The following GSTA1 variants were observed in gnomAD, a reference collection of about 807,000 sequenced individuals.
The protein encoded by GSTA1 is glutathione S-transferase alpha 1.
GSTA1 carries 23 observed loss-of-function variants against 21.5 expected under a neutral mutation model. The ratio of observed to expected loss-of-function variants is 1.07; its 90% CI spans 0.77 to 1.52. The LOEUF (loss-of-function observed/expected upper bound fraction) is 1.52, where lower values mean the gene tolerates loss of function less well. Ranked by LOEUF, GSTA1 falls within the 40% of genes most tolerant of loss-of-function variation. The pLI is 0.00. For synonymous variants in GSTA1, 125 were observed against 90.0 expected, an observed-to-expected ratio of 1.39 and a Z score of -2.20; for missense variants, 301 against 264.2, an observed-to-expected ratio of 1.14 and a Z score of -0.96.
intron 4 of GSTA1, among the ~76,000 whole-genome samples, chr6:52,794,629 A>C (rs941633302): frequency 3.9e-5 from 6 of 152,208 alleles, no homozygotes; most frequent in Non-Finnish European, 7.3e-5. Flanking sequence ...TGTGAGTCAA[A>C]TGGCCAAAGA....
intron 1 of GSTA1, among the ~76,000 whole-genome samples, chr6:52,803,149 C>T (rs1257457221): frequency 1.3e-5 from 2 of 152,182 alleles, no homozygotes; most frequent in South Asian, 4.2e-4. Flanking sequence ...TAGAAACATC[C>T]TAGAGTGAGC....
At chr6:52,797,883 A>G (rs1763626904) in intron 2 of GSTA1, among the ~76,000 whole-genome samples, 3 of 152,210 alleles carry the variant, frequency 2.0e-5, no homozygotes, top group Non-Finnish European at 2.9e-5. Context: ...ATGAATGTCT[A>G]TGATTAGGTC....
At chr6:52,799,363 T>C (rs1228885652) in intron 1 of GSTA1, 66 bp from the exon 2 acceptor site, 2 of 1,110,212 alleles carry the variant, frequency 1.8e-6, no homozygotes, top group East Asian at 2.5e-5. Context: ...TTAGGATATG[T>C]AGTTGAAAAC....
rs1412132944 is a variant in GSTA1 at position 52,791,911 on chromosome 6, G to T, written c.616C>A (p.Pro206Thr). 1 of 1,613,920 alleles carries T rather than the reference G, an allele frequency of 6.2e-7. No homozygotes were observed. Among genetic ancestry groups the T allele is most frequent in the South Asian group, 1.1e-5 (1 of 91,070 alleles). Residue 206 changes from proline (P) to threonine (T), a missense_variant, in exon 7 of 7, where the codon CCT (proline) becomes ACT (threonine). By Grantham distance (38) the Pro-to-Thr change is conservative. Transcript: ENST00000334575. ...TCTAAAGATTTCTCATCCATGGGAG[G>T]CTTCCTTGGGCTGCCAGGCTGTAGA... is the stretch of plus-strand genomic sequence containing the variant. ...KFLQPGSPRK[P>T]PMDEKSLEEA...
chr6:52,792,952 G>A lies in GSTA1; in HGVS notation c.450C>T (p.Gly150=). 1 of 1,614,098 alleles carries A rather than the reference G, an allele frequency of 6.2e-7. No individual in the cohort carries two copies. The highest frequency in any genetic ancestry group is 1.1e-5 in the South Asian group (1 of 91,086). The change falls in exon 6 of 7, where the codon GGC becomes GGT. Residue 150 remains glycine (G), a synonymous_variant. Coordinates refer to ENST00000334575, the MANE Select transcript of GSTA1 (RefSeq NM_145740.5). ...GAATGTCAGCCCGGCTCAGCTTGTT[G>A]CCAACAAGGTAGTCTTGTCCATGGC... ...LKSHGQDYLV[G]NKLSRADIHL...
At chr6:52,799,365 G>T in intron 1 of GSTA1, 68 bp from the exon 2 acceptor site, 2 of 1,040,946 alleles carry the variant, frequency 1.9e-6, no homozygotes, top group Non-Finnish European at 2.9e-6. Context: ...AGGATATGTA[G>T]TTGAAAACCA....
At chr6:52,800,292 C>T (rs749966900) in intron 1 of GSTA1, among the ~76,000 whole-genome samples, 12 of 152,158 alleles carry the variant, frequency 7.9e-5, no homozygotes, top group East Asian at 1.9e-4. Context: ...AATGATGGAT[C>T]GGGATGCAGA....
chr6:52,801,484 G>C (rs1479734841), intron 1 of GSTA1, among the ~76,000 whole-genome samples: 1 of 152,208 alleles, frequency 6.6e-6, no homozygotes, highest in Admixed American at 6.5e-5. Flanking sequence ...TTATCGACTA[G>C]AGTTCACAGT....
chr6:52,796,414 A>C (rs144227166), intron 3 of GSTA1, 100 bp from the exon 4 acceptor site: 34,361 of 1,508,616 alleles, frequency 0.023, 507 homozygotes, highest in Non-Finnish European at 0.026. Context: ...GTAAAATGGC[A>C]AAGAAATTAC....
At chr6:52,795,417 T>C (rs1763553227) in intron 4 of GSTA1, among the ~76,000 whole-genome samples, 1 of 152,236 alleles carries the variant, frequency 6.6e-6, no homozygotes, top group Non-Finnish European at 1.5e-5. Flanking sequence ...AATATTGTTA[T>C]TCGCATTATT....
At chr6:52,793,999 G>C (rs1763517074) in intron 5 of GSTA1, 126 bp downstream of exon 5, 4 of 1,114,210 alleles carry the variant, frequency 3.6e-6, no homozygotes, top group Non-Finnish European at 4.0e-6. Flanking sequence ...TTGAGAGTCA[G>C]AGTGCTGCAT....
At chr6:52,794,026 T>C in intron 5 of GSTA1, 99 bp downstream of exon 5, 2 of 1,462,496 alleles carry the variant, frequency 1.4e-6, no homozygotes, top group Admixed American at 1.7e-5. Flanking sequence ...TCAGGAAGTC[T>C]CACTGAAAGT....
At position 52,792,619 on chromosome 6, in the gene GSTA1, C is replaced by T. The variant is rs1474470319; in HGVS notation, c.546+237G>A. 5.1e-6 allele frequency: 5 copies of T among 976,778 alleles called. No individual in the cohort carries two copies. In the African/African-American group the frequency reaches 8.3e-5, roughly 16 times the overall value. 60.5% of individuals were successfully genotyped at this position (976,778 alleles called of 1,614,324 possible). ...GGGGAGAGATGCTGGGCCCTGGGTT[C>T]TTTCCATAATAAAGGGCAAAATACT... On this transcript the variant is annotated intron_variant, in intron 6 of 6. Coordinates refer to ENST00000334575, the MANE Select transcript of GSTA1 (RefSeq NM_145740.5).
chr6:52,801,358 C>G (rs1456757524), intron 1 of GSTA1, among the ~76,000 whole-genome samples: 1 of 152,266 alleles, frequency 6.6e-6, no homozygotes, highest in East Asian at 1.9e-4. Flanking sequence ...ATTGTACTTT[C>G]TATGATAACT....
At chr6:52,798,001 A>G (rs572543354) in intron 2 of GSTA1, among the ~76,000 whole-genome samples, 15 of 152,246 alleles carry the variant, frequency 9.9e-5, no homozygotes, top group Admixed American at 6.5e-4. Context: ...TCAGACCACA[A>G]CCTTGTGTGT....
At chr6:52,800,523 C>G (rs545602922) in intron 1 of GSTA1, among the ~76,000 whole-genome samples, 3 of 152,206 alleles carry the variant, frequency 2.0e-5, no homozygotes, top group African/African-American at 7.2e-5. Context: ...GATGTTTGCA[C>G]GTGTGCATGC....
intron 5 of GSTA1, among the ~76,000 whole-genome samples, 169 bp from the exon 6 acceptor site, chr6:52,793,156 C>G (rs575526833): frequency 1.3e-5 from 2 of 152,140 alleles, no homozygotes; most frequent in East Asian, 3.9e-4. Flanking sequence ...AGAGTAAGAA[C>G]TGTAACTCTA....
chr6:52,796,543 A>ATTTTTTTTTTTT (rs34109072), intron 3 of GSTA1, among the ~76,000 whole-genome samples: 1 of 23,772 alleles, frequency 4.2e-5, no homozygotes. Flanking sequence ...ATATATATAT[A>ATTTTTTTTTTTT]TTTTTTTTTT....
In GSTA1 at chr6:52,796,154, G is replaced by T. The variant is rs201820272; in HGVS notation, c.272+28C>A. The T allele has an allele frequency of 7.8e-5, 125 of 1,611,856 alleles. 1 individual carries two copies. Among genetic ancestry groups the T allele is most frequent in the Non-Finnish European group, 1.0e-4 (118 of 1,179,492 alleles). On this transcript the variant is annotated intron_variant, in intron 4 of 6. Transcript: ENST00000334575. Reference sequence around the variant, plus strand: ...ACCTAAATCACTCTGTGTTCTCTGTGGATGGAAGAACAGAAAATATACCGT... The same window carrying T: ...ACCTAAATCACTCTGTGTTCTCTGTTGATGGAAGAACAGAAAATATACCGT...
Sources: gnomAD v4.1 joint callset for allele counts (sites outside exome capture counted in the v4.1 genomes callset) on GRCh38, gnomAD v4.1.1 for gene constraint, MANE v1.5 for transcripts, NCBI Gene and HGNC (gene_info 2026-07-23, HGNC 2026-07-21) for gene names.